Variants in GPR139 observed in about 807,000 individuals in gnomAD.
GPR139 encodes G protein-coupled receptor 139.
In GPR139, 12 loss-of-function variants were observed where a neutral mutation model predicts 25.8. That is an observed-to-expected ratio of 0.47 (90% CI 0.30 to 0.75). The LOEUF (loss-of-function observed/expected upper bound fraction) is 0.75, where lower values mean the gene tolerates loss of function less well. Ranked by LOEUF, GPR139 falls within the 30% of genes least tolerant of loss-of-function variation. The pLI, the probability that GPR139 is intolerant of heterozygous loss-of-function variation, is 0.07. For missense variants in GPR139, 380 were observed against 450.2 expected (o/e 0.84, Z 1.41); for synonymous variants, 184 against 179.9 (o/e 1.02, Z -0.18).
At chr16:20,032,747 G>T in intron 1 of GPR139, 78 bp from the exon 2 acceptor site, 2 of 1,029,616 alleles carry the variant, frequency 1.9e-6, no homozygotes, top group Admixed American at 2.5e-5. Context: ...CTAGGCATAT[G>T]TTTATTTTGC....
chr16:20,044,612 A>T (rs920505107), intron 1 of GPR139, among the ~76,000 whole-genome samples: 13 of 152,190 alleles, frequency 8.5e-5, no homozygotes, highest in African/African-American at 3.1e-4. Context: ...GTTCCCTCAG[A>T]GCAGCTAATA....
At position 20,041,978 on chromosome 16, in the gene GPR139, A is replaced by G. The variant is rs531079283; in HGVS notation, c.128-9309T>C. 1.4e-4 allele frequency among the ~76,000 whole-genome samples: 21 copies of G among 152,246 alleles called. 1 individual carries two copies. The highest frequency in any genetic ancestry group is 9.2e-4 in the Admixed American group (14 of 15,298). ...TTTTGCTGGCTGACTCTTACCCAAAATATTTGGGTACCTAAGAACCTATCC... is the reference window on the plus strand; with the variant it reads ...TTTTGCTGGCTGACTCTTACCCAAAGTATTTGGGTACCTAAGAACCTATCC... On this transcript the variant is annotated intron_variant, in intron 1 of 1. Coordinates refer to ENST00000570682, the MANE Select transcript of GPR139 (RefSeq NM_001002911.4).
At chr16:20,052,658 G>A (rs956006792) in intron 1 of GPR139, among the ~76,000 whole-genome samples, 1 of 152,120 alleles carries the variant, frequency 6.6e-6, no homozygotes, top group African/African-American at 2.4e-5. Flanking sequence ...TTAGCCGGGC[G>A]TGGTGGCGGG....
chr16:20,068,942 G>A (rs772265884), intron 1 of GPR139, among the ~76,000 whole-genome samples: 3 of 151,134 alleles, frequency 2.0e-5, no homozygotes, highest in Admixed American at 6.6e-5. Flanking sequence ...TTCACATGTC[G>A]AACCAGTGTT....
intron 1 of GPR139, among the ~76,000 whole-genome samples, chr16:20,065,803 A>G (rs532050169): frequency 3.6e-4 from 54 of 151,164 alleles, no homozygotes; most frequent in African/African-American, 1.3e-3. Flanking sequence ...AACCTGGGAG[A>G]TGGAGCTTGC....
intron 1 of GPR139, among the ~76,000 whole-genome samples, chr16:20,039,648 G>T (rs1031439001): frequency 6.6e-6 from 1 of 152,206 alleles, no homozygotes; most frequent in Non-Finnish European, 1.5e-5. Context: ...GAGGTTCAGA[G>T]AGGTTAAGTA....
intron 1 of GPR139, among the ~76,000 whole-genome samples, chr16:20,058,051 G>C (rs1483086360): frequency 6.6e-6 from 1 of 152,124 alleles, no homozygotes; most frequent in East Asian, 1.9e-4. Flanking sequence ...GGATCTACTA[G>C]GAAAGCCTTG....
chr16:20,061,621 T>C (rs917244649), intron 1 of GPR139, among the ~76,000 whole-genome samples: 1 of 152,250 alleles, frequency 6.6e-6, no homozygotes, highest in African/African-American at 2.4e-5. Context: ...CAGCAGGTCA[T>C]GACCATCACT....
rs1345333213 is a variant in GPR139 at position 20,032,382 on chromosome 16, C to G, written c.415G>C (p.Val139Leu). ...TTCCGGGTGCGGGCTGGGTATGAGA[C>G]CGTGTGGTACTTGAGCGGGTGGCAG... Reference protein sequence around the residue: ...AVCHPLKYHTVSYPARTRKVI... With the variant: ...AVCHPLKYHTLSYPARTRKVI... The change falls in exon 2 of 2, where the codon GTC (valine) becomes CTC (leucine). Residue 139 changes from valine to leucine, a missense_variant. Coordinates refer to ENST00000570682, the MANE Select transcript of GPR139 (RefSeq NM_001002911.4). 1.9e-6 allele frequency: 3 copies of G among 1,614,164 alleles called. No homozygotes were observed. The East Asian group carries it at 6.7e-5, about 36-fold the overall frequency.
rs189703740 is a variant in GPR139, at chr16:20,069,105, G to A, written c.127+4385C>T. ...TTCTTTTTTTGTAATGTCTTTGTCCGGTTTTGATAAAGCTGGCGTCACAAA... is the reference window on the plus strand; with the variant it reads ...TTCTTTTTTTGTAATGTCTTTGTCCAGTTTTGATAAAGCTGGCGTCACAAA... On this transcript the variant is annotated intron_variant, in intron 1 of 1. Transcript: ENST00000570682. 4.5e-4 allele frequency among the ~76,000 whole-genome samples: 68 copies of A among 152,122 alleles called. No individual in the cohort carries two copies. The East Asian group carries it at 5.2e-3, about 12-fold the overall frequency.
At chr16:20,033,937 G>A (rs1350790510) in intron 1 of GPR139, among the ~76,000 whole-genome samples, 2 of 151,366 alleles carry the variant, frequency 1.3e-5, no homozygotes, top group African/African-American at 2.4e-5. Flanking sequence ...ATTTTTTGTG[G>A]GGTCAGATTT....
chr16:20,040,350 T>G (rs1475506835), intron 1 of GPR139, among the ~76,000 whole-genome samples: 1 of 152,186 alleles, frequency 6.6e-6, no homozygotes, highest in Non-Finnish European at 1.5e-5. Context: ...CCACTTGGTG[T>G]TTATATCTCC....
chr16:20,073,671 T>C lies in GPR139; in HGVS notation c.-55A>G, dbSNP rs575440656. On this transcript the variant is annotated 5_prime_UTR_variant, in exon 1 of 2. Transcript: ENST00000570682. This position sits in a 1 kb window ranked among gnomAD's most constrained non-coding sequence, Gnocchi z 4.7. ...CGCGCCCGGCCTGCCAGCCCGACTC[T>C]GGTCGCCGGCTCGGTGGTGGCGGCG... 3.8e-4 allele frequency: 572 copies of C among 1,495,784 alleles called. 5 individuals are homozygous for C. In the African/African-American group the frequency reaches 7.5e-3, roughly 20 times the overall value. The allele number at this position is 1,495,784 out of a possible 1,614,324, so 92.7% of individuals were successfully genotyped here.
chr16:20,039,833 C>T (rs939812226), intron 1 of GPR139, among the ~76,000 whole-genome samples: 1 of 152,202 alleles, frequency 6.6e-6, no homozygotes, highest in African/African-American at 2.4e-5. Context: ...TAGGTGAACC[C>T]TTGTGTACTA....
At chr16:20,050,732 G>C (rs2057368885) in intron 1 of GPR139, among the ~76,000 whole-genome samples, 1 of 152,192 alleles carries the variant, frequency 6.6e-6, no homozygotes, top group Non-Finnish European at 1.5e-5. Context: ...GGCAGTCATT[G>C]AGGGGCATCA....
chr16:20,061,323 G>GTGGA (rs2057413596), intron 1 of GPR139, among the ~76,000 whole-genome samples: 1 of 151,050 alleles, frequency 6.6e-6, no homozygotes, highest in African/African-American at 2.4e-5. Flanking sequence ...GGATAGATGC[G>GTGGA]TGGATGGATG....
chr16:20,064,060 T>C (rs1215039717), intron 1 of GPR139, among the ~76,000 whole-genome samples: 1 of 152,182 alleles, frequency 6.6e-6, no homozygotes, highest in Non-Finnish European at 1.5e-5. Flanking sequence ...TTGGATCTCA[T>C]GAGAACTCAC....
At position 20,031,438 on chromosome 16, in the gene GPR139, C is replaced by G; in HGVS notation, c.*297G>C. The stretch of plus-strand genomic sequence containing the variant: ...GGCGAAATCACAGACTACTTCTCTA[C>G]TTTGTGTCCTAACTGGTCACAGGAT... On this transcript the variant is annotated 3_prime_UTR_variant, in exon 2 of 2. Coordinates refer to ENST00000570682, the MANE Select transcript of GPR139 (RefSeq NM_001002911.4). 1 of 394,810 alleles carries G rather than the reference C, an allele frequency of 2.5e-6. No individual in the cohort carries two copies. Among genetic ancestry groups the G allele is most frequent in the Non-Finnish European group, 4.6e-6 (1 of 215,872 alleles). 24.5% of individuals were successfully genotyped at this position (394,810 alleles called of 1,614,324 possible).
At chr16:20,040,122 G>C (rs1183343025) in intron 1 of GPR139, among the ~76,000 whole-genome samples, 1 of 152,080 alleles carries the variant, frequency 6.6e-6, no homozygotes, top group South Asian at 2.1e-4. Flanking sequence ...ACTGTCACCC[G>C]TGGGAATGAG....
Sources: gnomAD v4.1 joint callset for allele counts (sites outside exome capture counted in the v4.1 genomes callset) on GRCh38, gnomAD v4.1.1 for gene constraint, Gnocchi (gnomAD v3.1) non-coding constraint, MANE v1.5 for transcripts, NCBI Gene and HGNC (gene_info 2026-07-23, HGNC 2026-07-21) for gene names.